The following BLTP1 variants were observed in gnomAD, a reference collection of about 807,000 sequenced individuals.
BLTP1 encodes the protein fragile site-associated protein.
At chr4:122,269,602 A>G in the BLTP1 span, 6 of 985,220 alleles carry the variant, frequency 6.1e-6, no homozygotes, top group African/African-American at 8.7e-5. Flanking sequence ...TTTCCCAGCC[A>G]TTAATTTCAG....
At chr4:122,173,303 C>T in the BLTP1 span, 1 of 811,936 alleles carries the variant, frequency 1.2e-6, no homozygotes, top group East Asian at 2.6e-5. Flanking sequence ...TGGGAAGTCC[C>T]AAGTTGAGGG....
the BLTP1 span, chr4:122,154,231 A>C: frequency 3.9e-6 from 3 of 769,324 alleles, no homozygotes; most frequent in Non-Finnish European, 4.5e-6. Context: ...GCTGGAGTGC[A>C]GTGGTGCGAT....
At chr4:122,181,347 A>G in the BLTP1 span, 2 of 338,286 alleles carry the variant, frequency 5.9e-6, no homozygotes, top group South Asian at 1.2e-4. Context: ...GAGCAATTCA[A>G]AAACTTAGTA....
At chr4:122,337,737 G>C in the BLTP1 span, among the ~76,000 whole-genome samples, 4 of 151,448 alleles carry the variant, frequency 2.6e-5, no homozygotes, top group South Asian at 8.3e-4. Context: ...TAGTACCTTT[G>C]TTCAAATTTT....
chr4:122,316,399 C>A, the BLTP1 span: 1 of 475,586 alleles, frequency 2.1e-6, no homozygotes, highest in Non-Finnish European at 4.4e-6. Context: ...CACCTTTGGG[C>A]AGCGACTTGT....
chr4:122,169,809 T>C, the BLTP1 span: 16 of 985,048 alleles, frequency 1.6e-5, no homozygotes, highest in Non-Finnish European at 1.9e-5. Flanking sequence ...GGAGGTCTCT[T>C]TACTGTTCAG....
the BLTP1 span, among the ~76,000 whole-genome samples, chr4:122,230,633 A>C: frequency 6.6e-6 from 1 of 152,130 alleles, no homozygotes; most frequent in Non-Finnish European, 1.5e-5. Context: ...TCAGAACTGC[A>C]AGGAAGACTA....
At chr4:122,188,747 G>A in the BLTP1 span, among the ~76,000 whole-genome samples, 1 of 152,034 alleles carries the variant, frequency 6.6e-6, no homozygotes, top group South Asian at 2.1e-4. Flanking sequence ...CTCAATTTTT[G>A]TGTGTGTAAA....
At chr4:122,344,564 ACT>A in the BLTP1 span, 1 of 1,562,290 alleles carries the variant, frequency 6.4e-7, no homozygotes, top group Non-Finnish European at 8.8e-7. Flanking sequence ...TATATCTGGT[ACT>A]CAATTTTATA....
the BLTP1 span, among the ~76,000 whole-genome samples, chr4:122,205,470 T>G: frequency 3.3e-5 from 5 of 151,600 alleles, no homozygotes; most frequent in African/African-American, 4.8e-5. Flanking sequence ...AATGTCAGTC[T>G]GTGCTATAAT....
chr4:122,169,459 C>T, the BLTP1 span: 5 of 186,906 alleles, frequency 2.7e-5, no homozygotes, highest in South Asian at 9.2e-4. Context: ...CTGTGTAGGT[C>T]TCTTTGTGAT....
chr4:122,334,122 T>C, the BLTP1 span: 11 of 180,758 alleles, frequency 6.1e-5, no homozygotes, highest in East Asian at 1.9e-3. Context: ...TATAGAATCA[T>C]AGACTATTCA....
chr4:122,206,673 T>G, the BLTP1 span, among the ~76,000 whole-genome samples: 1 of 151,818 alleles, frequency 6.6e-6, no homozygotes, highest in Admixed American at 6.6e-5. Context: ...TGAGCTATTA[T>G]GCCAAATTTA....
At chr4:122,272,953 G>A in the BLTP1 span, among the ~76,000 whole-genome samples, 1 of 151,968 alleles carries the variant, frequency 6.6e-6, no homozygotes, top group South Asian at 2.1e-4. Context: ...AAATACCATT[G>A]CCAGATATGG....
chr4:122,197,562 C>T, the BLTP1 span: 1 of 508,470 alleles, frequency 2.0e-6, no homozygotes, highest in Non-Finnish European at 2.5e-6. Context: ...TCCAGTTAGA[C>T]TGTTGCACTT....
chr4:122,287,956 C>G, the BLTP1 span, among the ~76,000 whole-genome samples: 2 of 151,852 alleles, frequency 1.3e-5, no homozygotes, highest in Non-Finnish European at 2.9e-5. Flanking sequence ...TTGTATAATT[C>G]CTTGCTAATA....
chr4:122,240,098 A>C, the BLTP1 span: 1 of 1,614,198 alleles, frequency 6.2e-7, no homozygotes, highest in South Asian at 1.1e-5. Context: ...TAGGTGGAGA[A>C]GATGATGTTA....
the BLTP1 span, chr4:122,239,469 A>G: frequency 4.3e-6 from 6 of 1,408,718 alleles, no homozygotes; most frequent in Non-Finnish European, 5.8e-6. Context: ...TTATGCTTAA[A>G]TTTTATGATG....
chr4:122,349,447 T>C, the BLTP1 span: 1 of 1,576,154 alleles, frequency 6.3e-7, no homozygotes, highest in Non-Finnish European at 8.7e-7. The surrounding 1 kb of genome is among the most constrained non-coding windows in gnomAD (Gnocchi z 4.5). Context: ...GTTTCTATTT[T>C]AGCTCATATT....
Sources: gnomAD v4.1 joint callset for allele counts (sites outside exome capture counted in the v4.1 genomes callset) on GRCh38, gnomAD v4.1.1 for gene constraint, Gnocchi (gnomAD v3.1) non-coding constraint, MANE v1.5 for transcripts, NCBI Gene and HGNC (gene_info 2026-07-23, HGNC 2026-07-21) for gene names.